TPRG1: variants seen among roughly 807,000 people sequenced by gnomAD.
TPRG1 encodes the protein tumor protein p63 regulated 1, also known as tumor protein p63-regulated gene 1 protein.
A neutral mutation model predicts 29.3 loss-of-function variants in TPRG1; 29 were observed. That is an observed-to-expected ratio of 0.99 (90% CI 0.74 to 1.35). TPRG1 has a LOEUF of 1.35. Among genes scored for constraint, TPRG1 ranks in the 40% most tolerant of loss-of-function variants. The pLI, the probability that TPRG1 is intolerant of heterozygous loss-of-function variation, is 0.00. For missense variants in TPRG1, 327 were observed against 335.0 expected (o/e 0.98, Z 0.19); for synonymous variants, 130 against 116.8 (o/e 1.11, Z -0.73).
intron 3 of TPRG1, among the ~76,000 whole-genome samples, chr3:189,023,514 A>T (rs1446337342): frequency 6.6e-6 from 1 of 152,156 alleles, no homozygotes; most frequent in Non-Finnish European, 1.5e-5. Flanking sequence ...TAGCCATCTC[A>T]GCCTCAGCCC....
At chr3:189,204,945 TCTCACACACACA>T (rs1173877967) in intron 1 of TPRG1, among the ~76,000 whole-genome samples, 6 of 92,696 alleles carry the variant, frequency 6.5e-5, no homozygotes, top group East Asian at 3.7e-4. Flanking sequence ...TCTCTCTCTC[TCTCACACACACA>T]CACACACACA....
At chr3:189,267,000 C>T (rs575361396) in intron 4 of TPRG1, among the ~76,000 whole-genome samples, 17 of 152,044 alleles carry the variant, frequency 1.1e-4, no homozygotes, top group African/African-American at 3.4e-4. Flanking sequence ...GTCTAGTTGT[C>T]TCTATAGGGA....
intron 3 of TPRG1, among the ~76,000 whole-genome samples, chr3:189,022,901 C>T (rs753949612): frequency 1.4e-4 from 22 of 152,216 alleles, no homozygotes; most frequent in Admixed American, 2.0e-4. Flanking sequence ...TAGGACCCTC[C>T]GAGCCAGGTG....
At chr3:189,217,975 A>G (rs1438493533) in intron 3 of TPRG1, 17 of 985,336 alleles carry the variant, frequency 1.7e-5, no homozygotes, top group Non-Finnish European at 1.9e-5. Context: ...AAAACTAAAG[A>G]AAATAAACAA....
intron 2 of TPRG1, among the ~76,000 whole-genome samples, chr3:189,209,669 C>T (rs1489781428): frequency 6.6e-6 from 1 of 152,132 alleles, no homozygotes; most frequent in Non-Finnish European, 1.5e-5. Context: ...GATTCCGGGT[C>T]TTGATTCTGG....
chr3:189,049,246 C>T (rs535504525), intron 4 of TPRG1, among the ~76,000 whole-genome samples: 2 of 152,300 alleles, frequency 1.3e-5, no homozygotes, highest in Non-Finnish European at 2.9e-5. Context: ...TAGCCTCAGG[C>T]AAGTTTTCAA....
chr3:189,016,128 C>T (rs186041908), intron 3 of TPRG1, among the ~76,000 whole-genome samples: 14 of 152,072 alleles, frequency 9.2e-5, no homozygotes, highest in Admixed American at 2.6e-4. Flanking sequence ...CCACAGGGGT[C>T]GAGATGCCCA....
intron 5 of TPRG1, among the ~76,000 whole-genome samples, chr3:189,156,865 A>G (rs1726759311): frequency 6.6e-6 from 1 of 152,204 alleles, no homozygotes; most frequent in African/African-American, 2.4e-5. Context: ...TGTAAGCTGC[A>G]TTATCTGGAG....
rs554029729 is a variant in TPRG1 at position 189,322,943 on chromosome 3, C to T, written c.*2123C>T. On this transcript the variant is annotated 3_prime_UTR_variant, in exon 6 of 6. Transcript: ENST00000345063. ...GACGACAAGAGGGTCTTTATGAATT[C>T]CCTTCACATTTTGTAAAAACTGTCA... The T allele has an allele frequency of 6.6e-6, 1 of 152,162 alleles. No individual in the cohort carries two copies. The highest frequency in any genetic ancestry group is 1.9e-4 in the East Asian group (1 of 5,174). The allele number at this position is 152,162 out of a possible 1,614,324, so 9.4% of individuals were successfully genotyped here. A position where few individuals can be genotyped will look rare whatever the true frequency, so the allele number is the denominator to read the frequency against.
intron 4 of TPRG1, among the ~76,000 whole-genome samples, chr3:189,024,736 G>A (rs1713565832): frequency 6.6e-6 from 1 of 152,172 alleles, no homozygotes; most frequent in South Asian, 2.1e-4. Context: ...AGGTGCTGGA[G>A]GCTCTGGATG....
chr3:189,273,789 C>T (rs527801377), intron 4 of TPRG1, among the ~76,000 whole-genome samples: 8 of 152,168 alleles, frequency 5.3e-5, no homozygotes, highest in Non-Finnish European at 1.2e-4. Context: ...CTCTTCCAAG[C>T]CATAGGCCTA....
At chr3:189,093,193 C>T (rs7630542) in intron 4 of TPRG1, among the ~76,000 whole-genome samples, 19 of 151,814 alleles carry the variant, frequency 1.3e-4, no homozygotes, top group South Asian at 2.1e-4. Context: ...AAGGAGAGAG[C>T]GTCAATAAAG....
intron 4 of TPRG1, among the ~76,000 whole-genome samples, chr3:189,292,354 T>G (rs543404114): frequency 2.0e-5 from 3 of 151,892 alleles, no homozygotes; most frequent in Non-Finnish European, 4.4e-5. Flanking sequence ...CCATTAAATT[T>G]TATGTAAAAA....
At chr3:189,202,197 G>T (rs1183844705) in intron 1 of TPRG1, among the ~76,000 whole-genome samples, 1 of 152,144 alleles carries the variant, frequency 6.6e-6, no homozygotes, top group Non-Finnish European at 1.5e-5. Flanking sequence ...TTTAAAAAAA[G>T]CGGAAAGAAT....
At chr3:189,275,552 G>A (rs1715994293) in intron 4 of TPRG1, among the ~76,000 whole-genome samples, 1 of 152,142 alleles carries the variant, frequency 6.6e-6, no homozygotes. Flanking sequence ...GGCTATTCCA[G>A]GGAGAAGGTA....
chr3:189,075,619 T>G (rs1340349532), intron 4 of TPRG1, among the ~76,000 whole-genome samples: 1 of 152,194 alleles, frequency 6.6e-6, no homozygotes, highest in Admixed American at 6.5e-5. Flanking sequence ...TCCCCAGTTC[T>G]GAGTCTGATT....
chr3:189,236,873 C>T (rs1739552434), intron 3 of TPRG1, among the ~76,000 whole-genome samples: 1 of 152,160 alleles, frequency 6.6e-6, no homozygotes. Context: ...GCCTATCTGT[C>T]TTTAGACTGC....
chr3:189,209,400 G>A (rs1734912496), intron 2 of TPRG1, among the ~76,000 whole-genome samples: 1 of 152,158 alleles, frequency 6.6e-6, no homozygotes, highest in Admixed American at 6.5e-5. Flanking sequence ...ACACAAAAAA[G>A]CAATTCTAGA....
At chr3:189,101,695 C>G (rs1220454159) in intron 1 of TPRG1, among the ~76,000 whole-genome samples, 1 of 152,056 alleles carries the variant, frequency 6.6e-6, no homozygotes, top group East Asian at 1.9e-4. Flanking sequence ...TTCATCTGTT[C>G]TCTGATATCT....
Sources: gnomAD v4.1 joint callset for allele counts (sites outside exome capture counted in the v4.1 genomes callset) on GRCh38, gnomAD v4.1.1 for gene constraint, MANE v1.5 for transcripts, NCBI Gene and HGNC (gene_info 2026-07-23, HGNC 2026-07-21) for gene names.